The following IKZF5 variants were observed in gnomAD, a reference collection of about 807,000 sequenced individuals.
IKZF5 encodes the protein IKAROS family zinc finger 5, also known as zinc finger protein Pegasus.
IKZF5 carries 4 observed loss-of-function variants against 30.7 expected under a neutral mutation model. The observed-to-expected ratio is 0.13, with a 90% CI of 0.06 to 0.30. The LOEUF (loss-of-function observed/expected upper bound fraction) is 0.30, where lower values mean the gene tolerates loss of function less well. Among genes scored for constraint, IKZF5 ranks in the 10% least tolerant of loss-of-function variants. The pLI, the probability that IKZF5 is intolerant of heterozygous loss-of-function variation, is 1.00. For synonymous variants in IKZF5, 148 were observed against 179.6 expected (o/e 0.82, Z 1.41); for missense variants, 348 against 525.5 (o/e 0.66, Z 3.30).
rs1384737473 is a variant in IKZF5, at chr10:122,993,678, G to A, written c.*102C>T. ...TATATTCTATAAATATAATGTATAAGCCTTGAATTAGCAGACACTTTATTA... is the reference window on the plus strand; with the variant it reads ...TATATTCTATAAATATAATGTATAAACCTTGAATTAGCAGACACTTTATTA... On this transcript the variant is annotated 3_prime_UTR_variant, in exon 5 of 5. Coordinates refer to ENST00000368886, the MANE Select transcript of IKZF5 (RefSeq NM_001372123.1). 3.0e-6 allele frequency: 2 copies of A among 670,518 alleles called. No individual in the cohort carries two copies. Among genetic ancestry groups the A allele is most frequent in the Non-Finnish European group, 5.0e-6 (2 of 397,642 alleles). The allele number at this position is 670,518 out of a possible 1,614,324, so 41.5% of individuals were successfully genotyped here.
At chr10:122,998,346 A>T (rs1401172984) in intron 3 of IKZF5, 147 bp downstream of exon 3, 3 of 622,470 alleles carry the variant, frequency 4.8e-6, no homozygotes, top group Admixed American at 3.4e-5. Flanking sequence ...TGATATGTTT[A>T]AAAAAGGGGG....
intron 2 of IKZF5, among the ~76,000 whole-genome samples, chr10:123,001,837 T>A (rs545080330): frequency 2.6e-5 from 4 of 152,162 alleles, no homozygotes; most frequent in Admixed American, 2.6e-4. Context: ...AACTGTAGGG[T>A]TGAGGAATGA....
In IKZF5 at chr10:122,998,644, TAC is replaced by T. The variant is rs1477859200; in HGVS notation, c.-21_-20del. ...CACCCATCTTTGCTTTTTTAACATT[TAC>T]AGTTTGTTAGACCTAGAAAACAAAA... is the stretch of plus-strand genomic sequence containing the variant. On this transcript the variant is annotated 5_prime_UTR_variant, in exon 3 of 5. Transcript: ENST00000368886. 4 of 1,609,860 alleles carry T rather than the reference TAC, an allele frequency of 2.5e-6. No homozygotes were observed. The African/African-American group carries it at 5.4e-5, about 22-fold the overall frequency.
At chr10:122,996,300 T>G in intron 3 of IKZF5, 124 bp from the exon 4 acceptor site, 1 of 757,848 alleles carries the variant, frequency 1.3e-6, no homozygotes, top group East Asian at 2.7e-5. Flanking sequence ...GTTAAGTCCA[T>G]TTTATAACAG....
At chr10:122,999,147 T>C (rs926919846) in intron 2 of IKZF5, among the ~76,000 whole-genome samples, 8 of 152,296 alleles carry the variant, frequency 5.3e-5, no homozygotes, top group African/African-American at 1.9e-4. Context: ...TGAGCCGTGA[T>C]TGCACCACTG....
At position 122,993,695 on chromosome 10, in the gene IKZF5, A is replaced by C; in HGVS notation, c.*85T>G. ...ATGTATAAGCCTTGAATTAGCAGAC[A>C]CTTTATTAGGGATGACCAAAACAAA... On this transcript the variant is annotated 3_prime_UTR_variant, in exon 5 of 5. Coordinates refer to ENST00000368886, the MANE Select transcript of IKZF5 (RefSeq NM_001372123.1). 1 of 791,482 alleles carries C rather than the reference A, an allele frequency of 1.3e-6. No individual in the cohort carries two copies. The highest frequency in any genetic ancestry group is 2.0e-6 in the Non-Finnish European group (1 of 492,330). The allele number at this position is 791,482 out of a possible 1,614,324, so 49.0% of individuals were successfully genotyped here. A position where few individuals can be genotyped will look rare whatever the true frequency, so the allele number is the denominator to read the frequency against.
In IKZF5 at chr10:122,998,408, G is replaced by A. The variant is rs895589962; in HGVS notation, c.133+85C>T. 96 of 1,127,372 alleles carry A rather than the reference G, an allele frequency of 8.5e-5. 1 individual carries two copies. The South Asian group carries it at 1.0e-3, about 12-fold the overall frequency. The allele number at this position is 1,127,372 out of a possible 1,614,324, so 69.8% of individuals were successfully genotyped here. A position where few individuals can be genotyped will look rare whatever the true frequency, so the allele number is the denominator to read the frequency against. Reference sequence around the variant, plus strand: ...AAAACAGAATGATTCACATTAATGCGCAGTGGTCTTCACAGTAACAGCTAC... The same window carrying A: ...AAAACAGAATGATTCACATTAATGCACAGTGGTCTTCACAGTAACAGCTAC... On this transcript the variant is annotated intron_variant, in intron 3 of 4. Transcript: ENST00000368886.
intron 2 of IKZF5, among the ~76,000 whole-genome samples, chr10:123,005,418 GTGTT>G (rs1187194073): frequency 6.6e-6 from 1 of 152,116 alleles, no homozygotes; most frequent in African/African-American, 2.4e-5. Flanking sequence ...CAATACCTTG[GTGTT>G]TGTTAGCCAA....
intron 1 of IKZF5, among the ~76,000 whole-genome samples, chr10:123,008,201 C>A (rs1288080132): frequency 6.6e-6 from 1 of 152,196 alleles, no homozygotes; most frequent in East Asian, 1.9e-4. Context: ...AGATAAAATA[C>A]GAAGGCTTTA....
Position 122,994,133 on chromosome 10 carries a change from T to C in IKZF5, c.907A>G (p.Ser303Gly), listed in dbSNP as rs772981829. Residue 303 changes from serine to glycine, a missense_variant, in exon 5 of 5, where the codon AGT (serine) becomes GGT (glycine). Coordinates refer to ENST00000368886, the MANE Select transcript of IKZF5 (RefSeq NM_001372123.1). This position sits in a 1 kb window ranked among gnomAD's most constrained non-coding sequence, Gnocchi z 5.6. ...GTGGGAGAGGAGCTCTGAGGAATAC[T>C]TGCTGATACGGCAGAAACTACTGCT... ...TQAVVSAVSA[S>G]IPQSSSPTSP... The C allele has an allele frequency of 3.1e-6, 5 of 1,614,058 alleles. No homozygotes were observed. The highest frequency in any genetic ancestry group is 4.5e-5 in the East Asian group (2 of 44,898).
intron 2 of IKZF5, among the ~76,000 whole-genome samples, chr10:123,000,536 C>T (rs1055711267): frequency 5.9e-5 from 9 of 152,180 alleles, no homozygotes; most frequent in African/African-American, 1.9e-4. Context: ...GAACATATTA[C>T]TACACGTTTT....
At chr10:123,004,628 T>C (rs1249343784) in intron 2 of IKZF5, among the ~76,000 whole-genome samples, 1 of 67,578 alleles carries the variant, frequency 1.5e-5, no homozygotes, top group African/African-American at 4.2e-5. Context: ...CATGATAAAC[T>C]TAAAAAAAAA....
At position 122,994,700 on chromosome 10, in the gene IKZF5, G is replaced by C; in HGVS notation, c.340C>G (p.Leu114Val). ...TCATAAGCAGATGCAAATGGACAAA[G>C]ATGACATCGATGAGGTTTTTCACCT... ...HTGEKPHRCH[L>V]CPFASAYERH... The change falls in exon 5 of 5, where the codon CTT becomes GTT. Residue 114 changes from leucine (L) to valine (V), a missense_variant. By Grantham distance (32) the Leu-to-Val change is conservative. This residue lies in a region of IKZF5 where 36 missense variants were observed against 129.4 expected (regional missense o/e 0.28). Coordinates refer to ENST00000368886, the MANE Select transcript of IKZF5 (RefSeq NM_001372123.1). This position sits in a 1 kb window ranked among gnomAD's most constrained non-coding sequence, Gnocchi z 5.6. 1 of 1,605,094 alleles carries C rather than the reference G, an allele frequency of 6.2e-7. No homozygotes were observed. The highest frequency in any genetic ancestry group is 1.1e-5 in the South Asian group (1 of 89,228).
rs1589713628 is a variant in IKZF5 at position 122,993,237 on chromosome 10, A to T, written c.*543T>A. 6.6e-6 allele frequency: 1 copy of T among 152,636 alleles called. No individual in the cohort carries two copies. The highest frequency in any genetic ancestry group is 1.9e-4 in the East Asian group (1 of 5,206). The allele number at this position is 152,636 out of a possible 1,614,324, so 9.5% of individuals were successfully genotyped here. A position where few individuals can be genotyped will look rare whatever the true frequency, so the allele number is the denominator to read the frequency against. Reference sequence around the variant, plus strand: ...TGTGGAAAAAAGAAAATTTTTACTAAACTGAAATAGCTTTACTATTATCAG... The same window carrying T: ...TGTGGAAAAAAGAAAATTTTTACTATACTGAAATAGCTTTACTATTATCAG... On this transcript the variant is annotated 3_prime_UTR_variant, in exon 5 of 5. Coordinates refer to ENST00000368886, the MANE Select transcript of IKZF5 (RefSeq NM_001372123.1).
Position 123,008,743 on chromosome 10 carries a change from G to C in IKZF5, c.-247C>G, listed in dbSNP as rs1422100829. 4 of 579,336 alleles carry C rather than the reference G, an allele frequency of 6.9e-6. No individual in the cohort carries two copies. Among genetic ancestry groups the C allele is most frequent in the Non-Finnish European group, 1.2e-5 (4 of 323,048 alleles). 35.9% of individuals were successfully genotyped at this position (579,336 alleles called of 1,614,324 possible). ...CCACACCGCCTTGTTAAATGCCGTC[G>C]CCGCCGCCGCCGTCTTCGTCACCGT... On this transcript the variant is annotated 5_prime_UTR_variant, in exon 1 of 5. Transcript: ENST00000368886.
In IKZF5 at chr10:122,992,340, T is replaced by G. The variant is rs894498524; in HGVS notation, c.*1440A>C. 6.6e-6 allele frequency: 1 copy of G among 152,354 alleles called. No homozygotes were observed. Among genetic ancestry groups the G allele is most frequent in the Admixed American group, 6.5e-5 (1 of 15,310 alleles). 9.4% of individuals were successfully genotyped at this position (152,354 alleles called of 1,614,324 possible). ...TTTACTATTAGAGTTCTTTTTTGGT[T>G]AATAGATGCTTACTATTCTCTTTAA... On this transcript the variant is annotated 3_prime_UTR_variant, in exon 5 of 5. Transcript: ENST00000368886.
chr10:123,006,134 AAATCAATGC>A (rs1264187728), intron 2 of IKZF5, among the ~76,000 whole-genome samples: 3 of 152,210 alleles, frequency 2.0e-5, no homozygotes, highest in African/African-American at 7.2e-5. Context: ...TCAAGGCTCA[AAATCAATGC>A]TTTCAGAAAA....
At chr10:123,004,613 C>T (rs541783585) in intron 2 of IKZF5, among the ~76,000 whole-genome samples, 1 of 127,386 alleles carries the variant, frequency 7.9e-6, no homozygotes, top group African/African-American at 2.9e-5. Context: ...TTTTCAACCA[C>T]AATGCATGAT....
chr10:122,995,947 C>A, intron 4 of IKZF5, 47 bp downstream of exon 4: 2 of 1,586,036 alleles, frequency 1.3e-6, no homozygotes, highest in Non-Finnish European at 1.7e-6. Context: ...CCCTTGGCCC[C>A]TCTCCTGCCC....
Sources: allele counts gnomAD v4.1 joint callset (sites outside exome capture counted in the v4.1 genomes callset), GRCh38; gene constraint gnomAD v4.1.1; regional missense constraint gnomAD v4.1.1; non-coding constraint Gnocchi (gnomAD v3.1); transcripts MANE v1.5; gene names NCBI Gene and HGNC (gene_info 2026-07-23, HGNC 2026-07-21).